Variants in DNAI1 observed in about 807,000 individuals in gnomAD.
The protein encoded by DNAI1 is dynein axonemal intermediate chain 1.
DNAI1 carries 67 observed loss-of-function variants against 92.0 expected under a neutral mutation model. The observed-to-expected ratio is 0.73, with a 90% CI of 0.60 to 0.89. The LOEUF is 0.89. DNAI1 is among the 40% of genes least tolerant of loss of function. The pLI is 0.00. For synonymous variants in DNAI1, 323 were observed against 319.6 expected (o/e 1.01, Z -0.11); for missense variants, 839 against 866.6 (o/e 0.97, Z 0.40).
intron 1 of DNAI1, among the ~76,000 whole-genome samples, chr9:34,471,328 G>A (rs1025221572): frequency 6.6e-6 from 1 of 151,952 alleles, no homozygotes; most frequent in Non-Finnish European, 1.5e-5. Flanking sequence ...GAGAGGCTGA[G>A]GTGGGAGGGT....
Position 34,490,484 on chromosome 9 carries a change from T to C in DNAI1, c.617T>C (p.Val206Ala), listed in dbSNP as rs1475100700. The change falls in exon 7 of 20, where the codon GTC (valine) becomes GCC (alanine). Residue 206 changes from valine (V) to alanine (A), a missense_variant. Val to Ala is a moderately conservative substitution (Grantham distance 64). Transcript: ENST00000242317. ...GCCTCACAGACCTACAACAACCCTGTCCGGGTAGAGCAGCCCCCACCCTAG... is the reference window on the plus strand; with the variant it reads ...GCCTCACAGACCTACAACAACCCTGCCCGGGTAGAGCAGCCCCCACCCTAG... ...ERASQTYNNP[V>A]RDRECQTEPP... The C allele has an allele frequency of 2.5e-6, 4 of 1,613,944 alleles. No individual in the cohort carries two copies. The highest frequency in any genetic ancestry group is 3.4e-6 in the Non-Finnish European group (4 of 1,180,034).
At chr9:34,505,204 A>G (rs1188603730) in intron 12 of DNAI1, among the ~76,000 whole-genome samples, 1 of 152,210 alleles carries the variant, frequency 6.6e-6, no homozygotes, top group Non-Finnish European at 1.5e-5. Flanking sequence ...CCAGGTGGTA[A>G]CAGGGCTGCA....
In DNAI1 at chr9:34,490,394, A is replaced by G. The variant is rs779983291; in HGVS notation, c.527A>G (p.Glu176Gly). ...AGAAEKVTEE[E>G]LMTPKQPKER... ...GCAGCTGAAAAAGTGACTGAAGAAGAATTGATGACTCCTAAGCAGCCCAAG... is the reference window on the plus strand; with the variant it reads ...GCAGCTGAAAAAGTGACTGAAGAAGGATTGATGACTCCTAAGCAGCCCAAG... The change falls in exon 7 of 20, where the codon GAA becomes GGA. Residue 176 changes from glutamate (E) to glycine (G), a missense_variant. Physicochemically the swap from Glu to Gly is moderately conservative, Grantham distance 98. Coordinates refer to ENST00000242317, the MANE Select transcript of DNAI1 (RefSeq NM_012144.4). 1.2e-6 allele frequency: 2 copies of G among 1,614,188 alleles called. No individual in the cohort carries two copies. The highest frequency in any genetic ancestry group is 8.5e-7 in the Non-Finnish European group (1 of 1,180,032).
rs186848430 is a variant in DNAI1 at position 34,501,894 on chromosome 9, G to A, written c.1063+713G>A. Among the ~76,000 whole-genome samples, 93 of 152,310 alleles carry A rather than the reference G, an allele frequency of 6.1e-4. 2 individuals are homozygous for A. In the East Asian group the frequency reaches 0.017, roughly 27 times the overall value. ...AGCACAATGGAAACTGTGTCCAGGCGATTTGCTTTCCCTTCATGTTACTTG... is the reference window on the plus strand; with the variant it reads ...AGCACAATGGAAACTGTGTCCAGGCAATTTGCTTTCCCTTCATGTTACTTG... On this transcript the variant is annotated intron_variant, in intron 12 of 19. Coordinates refer to ENST00000242317, the MANE Select transcript of DNAI1 (RefSeq NM_012144.4).
chr9:34,485,017 A>G lies in DNAI1; in HGVS notation c.82-125A>G, dbSNP rs1476325273. ...CTCTTTCATGAGTGGTATGTTATAC[A>G]TTTTGTATTCTACATACAAGGGGCA... On this transcript the variant is annotated intron_variant, in intron 2 of 19. Coordinates refer to ENST00000242317, the MANE Select transcript of DNAI1 (RefSeq NM_012144.4). 4 of 908,606 alleles carry G rather than the reference A, an allele frequency of 4.4e-6. No individual in the cohort carries two copies. The East Asian group carries it at 7.6e-5, about 17-fold the overall frequency. The allele number at this position is 908,606 out of a possible 1,614,324, so 56.3% of individuals were successfully genotyped here.
At chr9:34,498,375 T>C (rs58250045) in intron 10 of DNAI1, among the ~76,000 whole-genome samples, 2,076 of 152,318 alleles carry the variant, frequency 0.014, 38 homozygotes, top group African/African-American at 0.043. Flanking sequence ...TCACAGCTAG[T>C]GTGAAGTGTG....
At chr9:34,475,181 C>T (rs1328941196) in intron 1 of DNAI1, among the ~76,000 whole-genome samples, 1 of 152,200 alleles carries the variant, frequency 6.6e-6, no homozygotes, top group African/African-American at 2.4e-5. Context: ...TCCTTTGGGA[C>T]TAAGAGCTTT....
chr9:34,485,864 G>T (rs751307541), intron 4 of DNAI1, among the ~76,000 whole-genome samples: 4 of 152,116 alleles, frequency 2.6e-5, no homozygotes, highest in African/African-American at 4.8e-5. Flanking sequence ...TTTTCCTCTA[G>T]CCAGCCATCT....
rs1824820108 is a variant in DNAI1, at chr9:34,500,937, C to CA, written c.1019+99dup. ...CTGCACTTAACCACCTTGAGTATGA[C>CA]ATGTGACAGTATAGAAAAATATGGA... On this transcript the variant is annotated intron_variant, in intron 11 of 19. Coordinates refer to ENST00000242317, the MANE Select transcript of DNAI1 (RefSeq NM_012144.4). 5 of 1,073,050 alleles carry CA rather than the reference C, an allele frequency of 4.7e-6. No individual in the cohort carries two copies. In the South Asian group the frequency reaches 6.3e-5, roughly 13 times the overall value. 66.5% of individuals were successfully genotyped at this position (1,073,050 alleles called of 1,614,324 possible).
rs1825128331 is a variant in DNAI1, at chr9:34,514,285, C to CG, written c.1570-108dup. On this transcript the variant is annotated intron_variant, in intron 16 of 19. Coordinates refer to ENST00000242317, the MANE Select transcript of DNAI1 (RefSeq NM_012144.4). Reference sequence around the variant, plus strand: ...GCTTGGCCCCAGTTCAGCTGGGATGCGATGTGGGTTAAGGACAGGAGTCTA... The same window carrying CG: ...GCTTGGCCCCAGTTCAGCTGGGATGCGGATGTGGGTTAAGGACAGGAGTCTA... 4.2e-6 allele frequency: 6 copies of CG among 1,418,086 alleles called. No individual in the cohort carries two copies. In the South Asian group the frequency reaches 6.9e-5, roughly 16 times the overall value. The allele number at this position is 1,418,086 out of a possible 1,614,324, so 87.8% of individuals were successfully genotyped here. A position where few individuals can be genotyped will look rare whatever the true frequency, so the allele number is the denominator to read the frequency against.
chr9:34,498,622 A>G (rs1824769836), intron 10 of DNAI1, among the ~76,000 whole-genome samples: 3 of 152,258 alleles, frequency 2.0e-5, no homozygotes, highest in Admixed American at 2.0e-4. Context: ...AATCCTTCCC[A>G]TGGCATGAAC....
Position 34,485,450 on chromosome 9 carries a change from A to T in DNAI1, c.194A>T (p.Glu65Val). Residue 65 changes from glutamate (E) to valine (V), a missense_variant, in exon 4 of 20, where the codon GAG (glutamate) becomes GTG (valine). By Grantham distance (121) the Glu-to-Val change is moderately radical. Coordinates refer to ENST00000242317, the MANE Select transcript of DNAI1 (RefSeq NM_012144.4). The stretch of plus-strand genomic sequence containing the variant: ...TTTCTCCCTCAGGAGTTAAAGGAGG[A>T]GTTCACTCGGATTTTGACAGCCAAC... ...LELTDAELKE[E>V]FTRILTANNP... is the part of the protein sequence containing the mutation. 3.7e-6 allele frequency: 6 copies of T among 1,614,078 alleles called. No individual in the cohort carries two copies. The highest frequency in any genetic ancestry group is 1.1e-5 in the South Asian group (1 of 91,068).
In DNAI1 at chr9:34,490,430, TCA is replaced by T. The variant is rs1405276816; in HGVS notation, c.565_566del (p.Thr189Ter). 7 of 1,614,132 alleles carry T rather than the reference TCA, an allele frequency of 4.3e-6. No individual in the cohort carries two copies. The highest frequency in any genetic ancestry group is 5.1e-6 in the Non-Finnish European group (6 of 1,180,022). On this transcript the variant is annotated frameshift_variant, in exon 7 of 20. Coordinates refer to ENST00000242317, the MANE Select transcript of DNAI1 (RefSeq NM_012144.4). LOFTEE classifies it high-confidence loss of function. ...CCTAAGCAGCCCAAGGAGAGAAAGC[TCA>T]CTAACCAGTTCAACTTCAGTGAGAG...
At chr9:34,480,894 T>G (rs2132052895) in intron 1 of DNAI1, among the ~76,000 whole-genome samples, 1 of 152,136 alleles carries the variant, frequency 6.6e-6, no homozygotes, top group South Asian at 2.1e-4. Flanking sequence ...TGCAGTGAGC[T>G]GAGATGGTGC....
At chr9:34,459,314 CACTTT>C (rs1343928149) in intron 1 of DNAI1, among the ~76,000 whole-genome samples, 2 of 152,218 alleles carry the variant, frequency 1.3e-5, no homozygotes, top group East Asian at 3.8e-4. Flanking sequence ...CTCTTCACTT[CACTTT>C]ACCCCATGGA....
intron 18 of DNAI1, among the ~76,000 whole-genome samples, chr9:34,516,739 C>CT (rs1554691700): frequency 1.6e-5 from 2 of 126,274 alleles, no homozygotes; most frequent in African/African-American, 6.6e-5. Context: ...ATTTTCTTTT[C>CT]TTTTCTTTTT....
Position 34,493,288 on chromosome 9 carries a change from G to A in DNAI1, c.776G>A (p.Gly259Glu). 5 of 1,614,132 alleles carry A rather than the reference G, an allele frequency of 3.1e-6. No individual in the cohort carries two copies. The highest frequency in any genetic ancestry group is 4.2e-6 in the Non-Finnish European group (5 of 1,179,988). The change falls in exon 9 of 20, where the codon GGG becomes GAG. Residue 259 changes from glycine (G) to glutamate (E), a missense_variant. Gly to Glu is a moderately conservative substitution (Grantham distance 98, BLOSUM62 -2). Transcript: ENST00000242317. ...AAGACCCCAGTGGCTAAAAAATCAG[G>A]GAAGATGGCCATGAGGAAGCTGACA... ...KAKTPVAKKS[G>E]KMAMRKLTSM... is the part of the protein sequence containing the mutation.
At chr9:34,487,677 G>GCA (rs1419617372) in intron 4 of DNAI1, among the ~76,000 whole-genome samples, 1 of 152,030 alleles carries the variant, frequency 6.6e-6, no homozygotes, top group African/African-American at 2.4e-5. Flanking sequence ...ACCATGGGAA[G>GCA]CACACTACAG....
intron 13 of DNAI1, among the ~76,000 whole-genome samples, chr9:34,510,755 T>TA (rs1279415059): frequency 6.6e-6 from 1 of 152,144 alleles, no homozygotes; most frequent in East Asian, 1.9e-4. Flanking sequence ...TAGCGCCTCT[T>TA]ACAGCCTGGC....
Sources: gnomAD v4.1 joint callset for allele counts (sites outside exome capture counted in the v4.1 genomes callset) on GRCh38, gnomAD v4.1.1 for gene constraint, MANE v1.5 for transcripts, NCBI Gene and HGNC (gene_info 2026-07-23, HGNC 2026-07-21) for gene names.